Variants in GPR158 observed in about 807,000 individuals in gnomAD.
The protein encoded by GPR158 is metabotropic glycine receptor.
GPR158 carries 30 observed loss-of-function variants against 78.2 expected under a neutral mutation model. That is an observed-to-expected ratio of 0.38 (90% CI 0.29 to 0.52). GPR158 has a LOEUF of 0.52. GPR158 is among the 20% of genes least tolerant of loss of function. The probability of loss-of-function intolerance (pLI) is 0.83; values close to 1 mark genes in which losing one functional copy is unlikely to be tolerated. For missense variants in GPR158, 1,463 were observed against 1,523.5 expected (o/e 0.96, Z 0.66); for synonymous variants, 581 against 591.1 (o/e 0.98, Z 0.25).
chr10:25,555,500 C>T (rs558655621), intron 6 of GPR158, among the ~76,000 whole-genome samples: 12 of 152,224 alleles, frequency 7.9e-5, no homozygotes, highest in Middle Eastern at 6.8e-3. Flanking sequence ...CTAGCATTCC[C>T]ATGATATGTG....
chr10:25,481,566 A>G (rs1482234473), intron 5 of GPR158, among the ~76,000 whole-genome samples: 1 of 152,224 alleles, frequency 6.6e-6, no homozygotes, highest in Non-Finnish European at 1.5e-5. Flanking sequence ...ATAGGAATTT[A>G]CTGCATGCTG....
At chr10:25,401,355 T>C (rs1443978773) in intron 3 of GPR158, among the ~76,000 whole-genome samples, 1 of 152,156 alleles carries the variant, frequency 6.6e-6, no homozygotes, top group Non-Finnish European at 1.5e-5. Flanking sequence ...AGAAGAAAGA[T>C]TCTCCATCCA....
intron 2 of GPR158, among the ~76,000 whole-genome samples, chr10:25,316,939 A>ATG (rs1223923281): frequency 1.3e-5 from 2 of 149,914 alleles, no homozygotes; most frequent in East Asian, 3.9e-4. Flanking sequence ...GTGTGTATAT[A>ATG]TATATATATA....
At chr10:25,245,360 A>T (rs954461) in intron 2 of GPR158, among the ~76,000 whole-genome samples, 35,443 of 152,148 alleles carry the variant, frequency 0.23, 6,647 homozygotes, top group African/African-American at 0.51. Context: ...ATCATGGGAT[A>T]TGATTATTTC....
intron 4 of GPR158, among the ~76,000 whole-genome samples, chr10:25,425,334 TGCCAATG>T (rs1834805185): frequency 1.3e-5 from 2 of 152,114 alleles, no homozygotes; most frequent in Admixed American, 1.3e-4. Flanking sequence ...AGCACATCCA[TGCCAATG>T]TCTATTATTT....
intron 4 of GPR158, among the ~76,000 whole-genome samples, chr10:25,415,312 A>G (rs1216915313): frequency 6.6e-6 from 1 of 152,158 alleles, no homozygotes; most frequent in African/African-American, 2.4e-5. Flanking sequence ...ACACATAACT[A>G]ATCAATAAAA....
intron 1 of GPR158, among the ~76,000 whole-genome samples, chr10:25,205,202 T>A (rs1853005961): frequency 1.3e-5 from 2 of 152,088 alleles, no homozygotes; most frequent in African/African-American, 2.4e-5. Context: ...CAGGTATGTC[T>A]TTATCAGCAG....
chr10:25,551,553 G>T (rs1293117526), intron 6 of GPR158, among the ~76,000 whole-genome samples: 2 of 152,110 alleles, frequency 1.3e-5, no homozygotes, highest in Non-Finnish European at 2.9e-5. Context: ...TAGTGCTTTT[G>T]GCTTTTCTCC....
chr10:25,561,684 G>GGAGT (rs148655178), intron 6 of GPR158, among the ~76,000 whole-genome samples: 25,047 of 151,172 alleles, frequency 0.17, 4,438 homozygotes, highest in African/African-American at 0.44. Flanking sequence ...AGGCTTCAAA[G>GGAGT]GAGTGGTTTA....
In GPR158 at chr10:25,517,122, T is replaced by G. The variant is rs866943855; in HGVS notation, c.1405-33854T>G. On this transcript the variant is annotated intron_variant, in intron 5 of 10. Coordinates refer to ENST00000376351, the MANE Select transcript of GPR158 (RefSeq NM_020752.3). ...AGTTGGATTCCTAGGTATTTTATTC[T>G]CTTTGAAGCAATTGTGAATGGGAGT... Among the ~76,000 whole-genome samples, 520 of 147,828 alleles carry G rather than the reference T, an allele frequency of 3.5e-3. 9 individuals carry two copies. The highest frequency in any genetic ancestry group is 0.012 in the African/African-American group (446 of 38,734).
At chr10:25,292,837 A>G (rs182245090) in intron 2 of GPR158, among the ~76,000 whole-genome samples, 69 of 152,314 alleles carry the variant, frequency 4.5e-4, no homozygotes, top group Admixed American at 5.9e-4. Context: ...AGAATAATTT[A>G]TTATTTGCTA....
intron 10 of GPR158, 129 bp from the exon 11 acceptor site, chr10:25,597,643 C>A: frequency 3.5e-6 from 2 of 568,310 alleles, no homozygotes. Flanking sequence ...GTACATATGT[C>A]AGAGAAAGCT....
chr10:25,373,826 G>A (rs1202837347), intron 2 of GPR158, among the ~76,000 whole-genome samples: 7 of 151,728 alleles, frequency 4.6e-5, no homozygotes. Context: ...GAAATCTGTG[G>A]AGAGTCCCTT....
chr10:25,388,368 C>T (rs979041875), intron 2 of GPR158, among the ~76,000 whole-genome samples: 37 of 152,322 alleles, frequency 2.4e-4, no homozygotes, highest in African/African-American at 8.4e-4. Flanking sequence ...ACACCACCCC[C>T]ACCCTTGCAT....
intron 5 of GPR158, among the ~76,000 whole-genome samples, chr10:25,482,791 G>T (rs3118971): frequency 1.3e-5 from 2 of 151,856 alleles, no homozygotes; most frequent in Admixed American, 6.6e-5. Context: ...CAGTTAATTC[G>T]TCTGAAACTT....
intron 2 of GPR158, among the ~76,000 whole-genome samples, chr10:25,371,476 C>G (rs1833992277): frequency 6.6e-6 from 1 of 151,384 alleles, no homozygotes; most frequent in Non-Finnish European, 1.5e-5. Flanking sequence ...CTACAGTAAC[C>G]AAAACAGCAT....
intron 4 of GPR158, among the ~76,000 whole-genome samples, chr10:25,441,110 G>A (rs2130588829): frequency 6.6e-6 from 1 of 152,230 alleles, no homozygotes; most frequent in East Asian, 1.9e-4. Context: ...ATTACTATGG[G>A]GGTTATGAGC....
At chr10:25,582,490 G>A (rs756119275) in intron 7 of GPR158, among the ~76,000 whole-genome samples, 1 of 152,218 alleles carries the variant, frequency 6.6e-6, no homozygotes, top group South Asian at 2.1e-4. Flanking sequence ...AGCGAAGTGT[G>A]AACAGAAGCA....
At chr10:25,191,141 A>G (rs543892333) in intron 1 of GPR158, among the ~76,000 whole-genome samples, 10 of 152,344 alleles carry the variant, frequency 6.6e-5, no homozygotes, top group Admixed American at 2.0e-4. Context: ...AATGATATTG[A>G]GGCATTCGTT....
Sources: gnomAD v4.1 joint callset for allele counts (sites outside exome capture counted in the v4.1 genomes callset) on GRCh38, gnomAD v4.1.1 for gene constraint, MANE v1.5 for transcripts, NCBI Gene and HGNC (gene_info 2026-07-23, HGNC 2026-07-21) for gene names.